Variants in RBFOX3 observed in about 807,000 individuals in gnomAD.
RBFOX3 encodes the protein RNA binding fox-1 homolog 3.
Under a neutral mutation model 48.7 loss-of-function variants are expected in RBFOX3, and 17 were observed. The observed-to-expected ratio is 0.35, with a 90% CI of 0.24 to 0.52. The LOEUF (loss-of-function observed/expected upper bound fraction) is 0.52. Ranked by LOEUF, RBFOX3 falls within the 20% of genes least tolerant of loss-of-function variation. RBFOX3 has a pLI of 0.94. For missense variants in RBFOX3, 382 were observed against 497.5 expected (o/e 0.77, Z 2.21); for synonymous variants, 212 against 209.5 (o/e 1.01, Z -0.10).
At chr17:79,263,219 C>T (rs1016940628) in intron 3 of RBFOX3, among the ~76,000 whole-genome samples, 1 of 152,254 alleles carries the variant, frequency 6.6e-6, no homozygotes, top group Non-Finnish European at 1.5e-5. Context: ...TCTGGAAACA[C>T]TCAGGCTAGA....
chr17:79,628,691 A>C, the RBFOX3 span, among the ~76,000 whole-genome samples: 1 of 152,196 alleles, frequency 6.6e-6, no homozygotes. Flanking sequence ...CTTACCCATG[A>C]GGCAGCAATT....
intron 1 of RBFOX3, among the ~76,000 whole-genome samples, chr17:79,609,238 C>T (rs2093913049): frequency 6.6e-6 from 1 of 152,174 alleles, no homozygotes; most frequent in Non-Finnish European, 1.5e-5. Flanking sequence ...AGCCGGCTTC[C>T]GGCTGAAAGA....
intron 1 of RBFOX3, among the ~76,000 whole-genome samples, chr17:79,532,531 G>A (rs2087959774): frequency 6.6e-6 from 1 of 152,232 alleles, no homozygotes; most frequent in South Asian, 2.1e-4. Context: ...ACACGTGGGA[G>A]GCTGGAGGAG....
chr17:79,202,501 T>C (rs12600593), intron 4 of RBFOX3, among the ~76,000 whole-genome samples: 3,160 of 152,244 alleles, frequency 0.021, 71 homozygotes, highest in East Asian at 0.074. Context: ...TTACGAAAAT[T>C]TCACCAACAC....
At chr17:79,431,783 C>T (rs2068511806) in intron 2 of RBFOX3, among the ~76,000 whole-genome samples, 1 of 152,214 alleles carries the variant, frequency 6.6e-6, no homozygotes, top group African/African-American at 2.4e-5. Context: ...CAGCGCCCGG[C>T]CCACATTTTC....
At chr17:79,460,638 A>G (rs1314907515) in intron 2 of RBFOX3, among the ~76,000 whole-genome samples, 2 of 152,264 alleles carry the variant, frequency 1.3e-5, no homozygotes, top group Admixed American at 6.5e-5. Flanking sequence ...AGTGGGGCCT[A>G]ACAAAGGTAA....
chr17:79,156,934 GTGGTGGC>G (rs2045941074), intron 4 of RBFOX3, among the ~76,000 whole-genome samples: 1 of 152,214 alleles, frequency 6.6e-6, no homozygotes, highest in African/African-American at 2.4e-5. Flanking sequence ...TTGCCCCGCT[GTGGTGGC>G]TGGGTGAGAA....
intron 2 of RBFOX3, among the ~76,000 whole-genome samples, chr17:79,370,754 C>A (rs914396959): frequency 6.6e-6 from 1 of 152,172 alleles, no homozygotes; most frequent in Non-Finnish European, 1.5e-5. Context: ...CACAGGCCTA[C>A]GCTCACATAC....
chr17:79,288,784 C>A (rs1447228747), intron 3 of RBFOX3, among the ~76,000 whole-genome samples: 1 of 151,944 alleles, frequency 6.6e-6, no homozygotes, highest in Non-Finnish European at 1.5e-5. Flanking sequence ...TATAATGACC[C>A]CCCCAATTGA....
At chr17:79,222,231 C>T (rs539867643) in intron 4 of RBFOX3, among the ~76,000 whole-genome samples, 8 of 149,626 alleles carry the variant, frequency 5.3e-5, no homozygotes, top group Non-Finnish European at 1.2e-4. Flanking sequence ...GATCTAAAGC[C>T]CTTTATGGCT....
intron 2 of RBFOX3, among the ~76,000 whole-genome samples, chr17:79,340,464 G>T (rs754289902): frequency 1.3e-5 from 2 of 152,166 alleles, no homozygotes; most frequent in African/African-American, 2.4e-5. Context: ...AGCCTGAGCC[G>T]CCCTGTGATT....
Position 79,090,707 on chromosome 17 carries a change from G to T in RBFOX3, c.*176C>A. 1.3e-6 allele frequency: 1 copy of T among 779,434 alleles called. No homozygotes were observed. The highest frequency in any genetic ancestry group is 2.0e-6 in the Non-Finnish European group (1 of 498,160). The allele number at this position is 779,434 out of a possible 1,614,324, so 48.3% of individuals were successfully genotyped here. A position where few individuals can be genotyped will look rare whatever the true frequency, so the allele number is the denominator to read the frequency against. On this transcript the variant is annotated 3_prime_UTR_variant, in exon 15 of 15. Coordinates refer to ENST00000693108, the MANE Select transcript of RBFOX3 (RefSeq NM_001350451.2). Reference sequence around the variant, plus strand: ...GGCGCCCCTGCCGGCGTGCTCCCTCGGTGCGGGCGTGTGGCCAGGACGCGG... The same window carrying T: ...GGCGCCCCTGCCGGCGTGCTCCCTCTGTGCGGGCGTGTGGCCAGGACGCGG...
At chr17:79,531,636 C>T (rs2087792770) in intron 1 of RBFOX3, among the ~76,000 whole-genome samples, 1 of 152,164 alleles carries the variant, frequency 6.6e-6, no homozygotes, top group Non-Finnish European at 1.5e-5. Context: ...GGTCCCAACA[C>T]CAGCCTTGGC....
At chr17:79,187,458 G>A (rs529373951) in intron 4 of RBFOX3, among the ~76,000 whole-genome samples, 20 of 152,318 alleles carry the variant, frequency 1.3e-4, no homozygotes, top group Admixed American at 5.2e-4. Context: ...AGCCTTCATC[G>A]ACAAATACAT....
intron 1 of RBFOX3, among the ~76,000 whole-genome samples, chr17:79,544,759 C>T (rs894612578): frequency 6.6e-6 from 1 of 151,918 alleles, no homozygotes; most frequent in Middle Eastern, 3.4e-3. Context: ...TTACATAACT[C>T]GGGTCCTTCC....
intron 1 of RBFOX3, among the ~76,000 whole-genome samples, chr17:79,506,177 A>C (rs2083089434): frequency 1.3e-5 from 2 of 152,224 alleles, no homozygotes; most frequent in African/African-American, 4.8e-5. Flanking sequence ...TCGCAAAGGG[A>C]ATGCCCCCGG....
the RBFOX3 span, among the ~76,000 whole-genome samples, chr17:79,629,316 T>C: frequency 2.0e-3 from 300 of 152,310 alleles, 4 homozygotes; most frequent in African/African-American, 6.9e-3. Flanking sequence ...CCACACATGC[T>C]GGGTGACACC....
intron 3 of RBFOX3, among the ~76,000 whole-genome samples, chr17:79,290,816 A>G (rs9911538): frequency 0.68 from 103,610 of 152,002 alleles, 35,979 homozygotes; most frequent in South Asian, 0.77. Flanking sequence ...TACCTTACAC[A>G]CAAAATCAAT....
At chr17:79,629,638 T>A in the RBFOX3 span, among the ~76,000 whole-genome samples, 1 of 152,176 alleles carries the variant, frequency 6.6e-6, no homozygotes, top group Non-Finnish European at 1.5e-5. Context: ...ATTCCACTTA[T>A]AGGAATTTAC....
Sources: gnomAD v4.1 joint callset for allele counts (sites outside exome capture counted in the v4.1 genomes callset) on GRCh38, gnomAD v4.1.1 for gene constraint, MANE v1.5 for transcripts, NCBI Gene and HGNC (gene_info 2026-07-23, HGNC 2026-07-21) for gene names.